Variants in PTPRQ observed in about 807,000 individuals in gnomAD.
PTPRQ encodes protein tyrosine phosphatase receptor type Q.
A neutral mutation model predicts 246.0 loss-of-function variants in PTPRQ; 199 were observed. The ratio of observed to expected loss-of-function variants is 0.81; its 90% CI spans 0.72 to 0.91. PTPRQ has a LOEUF of 0.91. Among genes scored for constraint, PTPRQ ranks in the 40% least tolerant of loss-of-function variants. The pLI is 0.00. For missense variants in PTPRQ, 2,624 were observed against 2,528.4 expected (o/e 1.04, Z -0.81); for synonymous variants, 869 against 853.2 (o/e 1.02, Z -0.32).
chr12:80,605,232 C>CA, intron 27 of PTPRQ, 52 bp downstream of exon 27: 1 of 1,517,824 alleles, frequency 6.6e-7, no homozygotes, highest in South Asian at 1.3e-5. Flanking sequence ...GTTAATAATA[C>CA]AAGATTTGGA....
intron 14 of PTPRQ, among the ~76,000 whole-genome samples, chr12:80,504,844 A>G (rs1894905145): frequency 6.6e-6 from 1 of 151,774 alleles, no homozygotes; most frequent in African/African-American, 2.4e-5. Flanking sequence ...CTATCTCTCC[A>G]CCCAGAGGAG....
chr12:80,471,563 C>T (rs1421462226), intron 7 of PTPRQ, among the ~76,000 whole-genome samples: 1 of 46,920 alleles, frequency 2.1e-5, no homozygotes, highest in Admixed American at 2.6e-4. Flanking sequence ...CTGCAAGCTC[C>T]GCCTCCCGGG....
At chr12:80,524,017 C>T (rs1403095413) in intron 17 of PTPRQ, among the ~76,000 whole-genome samples, 16 of 152,190 alleles carry the variant, frequency 1.1e-4, no homozygotes, top group African/African-American at 9.6e-5. Flanking sequence ...TTCTAGGTCT[C>T]GAAGGACTTG....
intron 8 of PTPRQ, among the ~76,000 whole-genome samples, chr12:80,476,798 T>C (rs1050296853): frequency 7.2e-5 from 11 of 152,334 alleles, no homozygotes; most frequent in Admixed American, 6.5e-5. Flanking sequence ...AACAATCTGA[T>C]AATAAGGGAT....
At chr12:80,486,457 G>T (rs1197840309) in intron 9 of PTPRQ, among the ~76,000 whole-genome samples, 4 of 152,106 alleles carry the variant, frequency 2.6e-5, no homozygotes, top group African/African-American at 9.7e-5. Context: ...AGACAGATAT[G>T]ACAGAAGCTT....
chr12:80,457,808 A>T (rs1410715560), intron 4 of PTPRQ, among the ~76,000 whole-genome samples, 164 bp downstream of exon 4: 7 of 152,100 alleles, frequency 4.6e-5, no homozygotes, highest in Admixed American at 4.6e-4. Flanking sequence ...TATTCCTTAA[A>T]ATATATATTA....
intron 3 of PTPRQ, among the ~76,000 whole-genome samples, chr12:80,450,494 G>T (rs537974477): frequency 6.6e-6 from 1 of 152,272 alleles, no homozygotes; most frequent in Non-Finnish European, 1.5e-5. Flanking sequence ...TGCCCATTCA[G>T]TATGATATTG....
intron 25 of PTPRQ, among the ~76,000 whole-genome samples, chr12:80,567,788 A>G (rs953309414): frequency 6.6e-6 from 1 of 152,170 alleles, no homozygotes; most frequent in African/African-American, 2.4e-5. Flanking sequence ...AGGGTCATAG[A>G]GTAGGTATAT....
chr12:80,620,493 G>A, intron 32 of PTPRQ, 117 bp downstream of exon 32: 5 of 1,406,780 alleles, frequency 3.6e-6, no homozygotes, highest in Non-Finnish European at 4.7e-6. Flanking sequence ...GCCACGTATA[G>A]TGACCTGATT....
chr12:80,644,305 A>G (rs1899991755), intron 35 of PTPRQ, among the ~76,000 whole-genome samples: 1 of 152,164 alleles, frequency 6.6e-6, no homozygotes. Flanking sequence ...TTCGTGTAAT[A>G]AAAAGTGTTT....
chr12:80,569,216 G>GT (rs977325125), intron 25 of PTPRQ, among the ~76,000 whole-genome samples: 1 of 148,396 alleles, frequency 6.7e-6, no homozygotes, highest in African/African-American at 2.5e-5. Flanking sequence ...GCGGTGTTTG[G>GT]TTTTTTGTTC....
At chr12:80,455,544 A>T (rs1031994630) in intron 3 of PTPRQ, among the ~76,000 whole-genome samples, 1 of 151,408 alleles carries the variant, frequency 6.6e-6, no homozygotes, top group African/African-American at 2.4e-5. Flanking sequence ...TTTCTTGAAC[A>T]TTTACTATTT....
rs1178274747 is a variant in PTPRQ, at chr12:80,678,941, T to A, written c.6863-45T>A. ...ATCATGAAACATTTCAATTTTGAACTGTTAACTTCAACACTCTCTTGTAAC... is the reference window on the plus strand; with the variant it reads ...ATCATGAAACATTTCAATTTTGAACAGTTAACTTCAACACTCTCTTGTAAC... On this transcript the variant is annotated intron_variant, in intron 44 of 44. Coordinates refer to ENST00000644991, the MANE Select transcript of PTPRQ (RefSeq NM_001145026.2). 2.6e-6 allele frequency: 4 copies of A among 1,513,016 alleles called. No homozygotes were observed. In the East Asian group the frequency reaches 9.9e-5, roughly 37 times the overall value. 93.7% of individuals were successfully genotyped at this position (1,513,016 alleles called of 1,614,324 possible).
intron 8 of PTPRQ, 114 bp from the exon 9 acceptor site, chr12:80,484,319 T>G: frequency 7.7e-7 from 1 of 1,300,980 alleles, no homozygotes; most frequent in Non-Finnish European, 1.0e-6. Flanking sequence ...GTCTGTTTTC[T>G]AATAGAATTG....
At chr12:80,526,986 C>G (rs910190393) in intron 17 of PTPRQ, among the ~76,000 whole-genome samples, 1 of 151,920 alleles carries the variant, frequency 6.6e-6, no homozygotes, top group Non-Finnish European at 1.5e-5. Context: ...AAATAAAAAG[C>G]CTCTACTAAA....
intron 8 of PTPRQ, among the ~76,000 whole-genome samples, chr12:80,473,074 C>CAG (rs1823771113): frequency 1.3e-5 from 2 of 151,610 alleles, no homozygotes; most frequent in South Asian, 4.2e-4. Flanking sequence ...CACACACACA[C>CAG]ACAGGTCATA....
In PTPRQ at chr12:80,627,169, T is replaced by A. The variant is rs146319130; in HGVS notation, c.5687-5023T>A. 7.9e-3 allele frequency among the ~76,000 whole-genome samples: 1,208 copies of A among 152,026 alleles called. 26 individuals carry two copies. The highest frequency in any genetic ancestry group is 0.028 in the African/African-American group (1,162 of 41,490). ...TGAATCAAGTTAATTAACAAATCCATCACCTCAAGCACTTATCATTTATTC... is the reference window on the plus strand; with the variant it reads ...TGAATCAAGTTAATTAACAAATCCAACACCTCAAGCACTTATCATTTATTC... On this transcript the variant is annotated intron_variant, in intron 33 of 44. Coordinates refer to ENST00000644991, the MANE Select transcript of PTPRQ (RefSeq NM_001145026.2).
At chr12:80,605,209 C>G (rs1181581460) in intron 27 of PTPRQ, 29 bp downstream of exon 27, 1 of 1,532,344 alleles carries the variant, frequency 6.5e-7, no homozygotes, top group South Asian at 1.2e-5. Context: ...TCTGTAAAAG[C>G]CAGTATAAAA....
chr12:80,445,634 G>T lies in PTPRQ; in HGVS notation c.307G>T (p.Val103Leu). Residue 103 changes from valine (V) to leucine (L), a missense_variant, in exon 3 of 45, where the codon GTA becomes TTA. Coordinates refer to ENST00000644991, the MANE Select transcript of PTPRQ (RefSeq NM_001145026.2). ...GGAAGTTTGTCCGTGGATGCAAACA[G>T]TATATACACAAGTCAGATCAAAGCC... ...YKEVCPWMQTVYTQVRSKPDS... is the reference protein window; with the variant it reads ...YKEVCPWMQTLYTQVRSKPDS... 1 of 1,550,178 alleles carries T rather than the reference G, an allele frequency of 6.5e-7. No individual in the cohort carries two copies. Among genetic ancestry groups the T allele is most frequent in the Non-Finnish European group, 8.7e-7 (1 of 1,145,902 alleles).
Sources: allele counts gnomAD v4.1 joint callset (sites outside exome capture counted in the v4.1 genomes callset), GRCh38; gene constraint gnomAD v4.1.1; transcripts MANE v1.5; gene names NCBI Gene and HGNC (gene_info 2026-07-23, HGNC 2026-07-21).